SORCS1: variants seen among roughly 807,000 people sequenced by gnomAD.
SORCS1 encodes the protein VPS10 domain-containing receptor SorCS1.
In SORCS1, 60 loss-of-function variants were observed where a neutral mutation model predicts 146.1. That is an observed-to-expected ratio of 0.41 (90% CI 0.33 to 0.51). SORCS1 has a LOEUF of 0.51. Ranked by LOEUF, SORCS1 falls within the 20% of genes least tolerant of loss-of-function variation. SORCS1 has a pLI of 0.21. For synonymous variants in SORCS1, 637 were observed against 584.0 expected, an observed-to-expected ratio of 1.09 and a Z score of -1.31; for missense variants, 1,352 against 1,487.6, an observed-to-expected ratio of 0.91 and a Z score of 1.50.
At chr10:107,090,448 G>A (rs548840952) in intron 1 of SORCS1, among the ~76,000 whole-genome samples, 16 of 152,260 alleles carry the variant, frequency 1.1e-4, no homozygotes, top group Non-Finnish European at 2.4e-4. Context: ...GTTGGGTCAC[G>A]GCTTCACGAA....
intron 1 of SORCS1, among the ~76,000 whole-genome samples, chr10:107,130,837 T>A (rs1033267026): frequency 6.6e-6 from 1 of 152,144 alleles, no homozygotes; most frequent in Non-Finnish European, 1.5e-5. Flanking sequence ...ACAATCCAGT[T>A]GCGGTAAGTA....
chr10:107,001,560 T>C (rs1423174770), intron 1 of SORCS1, among the ~76,000 whole-genome samples: 1 of 152,080 alleles, frequency 6.6e-6, no homozygotes, highest in East Asian at 1.9e-4. Context: ...GTCTCCCGGG[T>C]TCAAGCGATT....
chr10:106,927,347 G>A (rs911630967), intron 2 of SORCS1, among the ~76,000 whole-genome samples: 33 of 152,034 alleles, frequency 2.2e-4, no homozygotes, highest in Non-Finnish European at 4.1e-4. Context: ...TTTTAAGGCG[G>A]CGCGTCTGGA....
chr10:107,164,540 A>G lies in SORCS1; in HGVS notation c.-14T>C. ...AACTTTTCCCATCGCGGGAGCGAAG[A>G]GCAGCGGAGAGAGGGGTCCCAGAAC... is the stretch of plus-strand genomic sequence containing the variant. On this transcript the variant is annotated 5_prime_UTR_variant, in exon 1 of 26. Coordinates refer to ENST00000263054, the MANE Select transcript of SORCS1 (RefSeq NM_052918.5). The surrounding 1 kb of genome is among the most constrained non-coding windows in gnomAD (Gnocchi z 6.8). The G allele has an allele frequency of 2.2e-6, 3 of 1,340,282 alleles. No individual in the cohort carries two copies. Among genetic ancestry groups the G allele is most frequent in the Non-Finnish European group, 2.8e-6 (3 of 1,053,092 alleles). 83.0% of individuals were successfully genotyped at this position (1,340,282 alleles called of 1,614,324 possible).
At chr10:106,828,185 G>A (rs946915094) in intron 3 of SORCS1, among the ~76,000 whole-genome samples, 5 of 152,088 alleles carry the variant, frequency 3.3e-5, no homozygotes, top group Non-Finnish European at 7.4e-5. Context: ...TATATACTTG[G>A]TAATAGGTTT....
chr10:106,840,314 T>C (rs1331495816), intron 2 of SORCS1, among the ~76,000 whole-genome samples: 1 of 152,168 alleles, frequency 6.6e-6, no homozygotes, highest in African/African-American at 2.4e-5. Flanking sequence ...TACTCATGGA[T>C]GACTTTGAGG....
At chr10:106,883,203 T>C (rs1950870948) in intron 2 of SORCS1, among the ~76,000 whole-genome samples, 1 of 152,192 alleles carries the variant, frequency 6.6e-6, no homozygotes, top group Non-Finnish European at 1.5e-5. Flanking sequence ...GATACACGTA[T>C]GACCAACATA....
chr10:106,714,687 T>C lies in SORCS1; in HGVS notation c.1025-5346A>G, dbSNP rs117100955. Among the ~76,000 whole-genome samples, 1,186 of 152,290 alleles carry C rather than the reference T, an allele frequency of 7.8e-3. 14 individuals are homozygous for C. Among genetic ancestry groups the C allele is most frequent in the Admixed American group, 0.012 (190 of 15,292 alleles). ...AAATAAATAAAAGATATATATGAGATGTCAACAACAGCGGAGAGCCACTAA... is the reference window on the plus strand; with the variant it reads ...AAATAAATAAAAGATATATATGAGACGTCAACAACAGCGGAGAGCCACTAA... On this transcript the variant is annotated intron_variant, in intron 6 of 25. Coordinates refer to ENST00000263054, the MANE Select transcript of SORCS1 (RefSeq NM_052918.5).
At position 107,003,429 on chromosome 10, in the gene SORCS1, A is replaced by AGTGTGT. The variant is rs59467041; in HGVS notation, c.559-46855_559-46850dup. ...ATAGAGAGAATAATAAATTCCCATAAGTGTGTGTGTGTGTGTGTGTGTGTG... is the reference window on the plus strand; with the variant it reads ...ATAGAGAGAATAATAAATTCCCATAAGTGTGTGTGTGTGTGTGTGTGTGTGTGTGTG... On this transcript the variant is annotated intron_variant, in intron 1 of 25. Transcript: ENST00000263054. Among the ~76,000 whole-genome samples, 1,398 of 140,508 alleles carry AGTGTGT rather than the reference A, an allele frequency of 9.9e-3. 11 individuals carry two copies. The highest frequency in any genetic ancestry group is 0.014 in the Middle Eastern group (4 of 286). The allele number at this position is 140,508 out of a possible 152,430, so 92.2% of individuals were successfully genotyped here.
intron 17 of SORCS1, among the ~76,000 whole-genome samples, chr10:106,666,346 C>T (rs1393362615): frequency 1.3e-5 from 2 of 152,156 alleles, no homozygotes; most frequent in African/African-American, 4.8e-5. Context: ...CGGTCTTGAA[C>T]CGAAAGATAG....
chr10:107,119,496 C>T (rs554883848), intron 1 of SORCS1, among the ~76,000 whole-genome samples: 2 of 152,222 alleles, frequency 1.3e-5, no homozygotes, highest in South Asian at 2.1e-4. Context: ...GTGGCTGAGG[C>T]TTTGAAAATG....
chr10:106,690,088 G>A (rs1471991540), intron 9 of SORCS1, among the ~76,000 whole-genome samples: 1 of 152,180 alleles, frequency 6.6e-6, no homozygotes, highest in African/African-American at 2.4e-5. Flanking sequence ...AAATGTGGAA[G>A]GCATAAACTC....
intron 18 of SORCS1, among the ~76,000 whole-genome samples, chr10:106,648,790 A>AG (rs1849642894): frequency 6.6e-6 from 1 of 152,174 alleles, no homozygotes; most frequent in East Asian, 1.9e-4. Flanking sequence ...GACCTAGGTG[A>AG]GAACAGGCCC....
At chr10:106,594,523 C>T (rs540939539) in intron 24 of SORCS1, among the ~76,000 whole-genome samples, 1 of 151,966 alleles carries the variant, frequency 6.6e-6, no homozygotes, top group African/African-American at 2.4e-5. Flanking sequence ...TAAATAAAAA[C>T]CAGACACAGA....
chr10:107,101,749 A>ATGTGTGTGTG (rs34645920), intron 1 of SORCS1, among the ~76,000 whole-genome samples: 17 of 147,244 alleles, frequency 1.2e-4, no homozygotes, highest in South Asian at 2.2e-4. Flanking sequence ...TGGGCTAATT[A>ATGTGTGTGTG]TGTGTGTGTG....
chr10:106,904,750 T>G (rs964062963), intron 2 of SORCS1, among the ~76,000 whole-genome samples: 1 of 152,218 alleles, frequency 6.6e-6, no homozygotes, highest in Non-Finnish European at 1.5e-5. Context: ...AGACCCGTTT[T>G]GGCCCATTTG....
intron 1 of SORCS1, among the ~76,000 whole-genome samples, chr10:107,079,106 G>T (rs944038919): frequency 2.0e-5 from 3 of 152,020 alleles, no homozygotes; most frequent in Non-Finnish European, 4.4e-5. Flanking sequence ...GGTGCCTGTA[G>T]TCCCAGCTAC....
chr10:106,801,481 T>C (rs893378072), intron 3 of SORCS1, among the ~76,000 whole-genome samples: 2 of 151,844 alleles, frequency 1.3e-5, no homozygotes, highest in African/African-American at 2.4e-5. Context: ...TATTAACTCA[T>C]GTAAACCCAC....
intron 1 of SORCS1, among the ~76,000 whole-genome samples, chr10:107,038,333 A>G (rs1189167866): frequency 6.8e-6 from 1 of 148,124 alleles, no homozygotes; most frequent in Admixed American, 6.7e-5. Flanking sequence ...AAGGAAAAGC[A>G]AGCAAGCACT....
Sources: gnomAD v4.1 joint callset for allele counts (sites outside exome capture counted in the v4.1 genomes callset) on GRCh38, gnomAD v4.1.1 for gene constraint, Gnocchi (gnomAD v3.1) non-coding constraint, MANE v1.5 for transcripts, NCBI Gene and HGNC (gene_info 2026-07-23, HGNC 2026-07-21) for gene names.